The following COBLL1 variants were observed in gnomAD, a reference collection of about 807,000 sequenced individuals.
COBLL1 encodes the protein cordon-bleu protein-like 1.
COBLL1 carries 50 observed loss-of-function variants against 94.8 expected under a neutral mutation model. That is an observed-to-expected ratio of 0.53 (90% CI 0.42 to 0.67). The LOEUF is 0.67. Among genes scored for constraint, COBLL1 ranks in the 30% least tolerant of loss-of-function variants. COBLL1 has a pLI of 0.00. For missense variants in COBLL1, 1,362 were observed against 1,348.7 expected (o/e 1.01, Z -0.15); for synonymous variants, 448 against 473.8 (o/e 0.95, Z 0.71).
intron 2 of COBLL1, among the ~76,000 whole-genome samples, chr2:164,796,308 G>C (rs1047382351): frequency 6.6e-6 from 1 of 152,108 alleles, no homozygotes; most frequent in African/African-American, 2.4e-5. Flanking sequence ...TTGAGTCAAT[G>C]TAAGGAAGGA....
At position 164,695,373 on chromosome 2, in the gene COBLL1, T is replaced by C. The variant is rs746083849; in HGVS notation, c.2019A>G (p.Val673=). Reference sequence around the variant, plus strand: ...TACCATGTGCACAAATTGGATCTTTTACGGTAAGCGGATCTTCTGAATGTA... The same window carrying C: ...TACCATGTGCACAAATTGGATCTTTCACGGTAAGCGGATCTTCTGAATGTA... ...LIIHSEDPLT[V]KDPICAHGND... The change falls in exon 12 of 14, where the codon GTA becomes GTG. Residue 673 remains valine, a synonymous_variant. Coordinates refer to ENST00000652658, the MANE Select transcript of COBLL1 (RefSeq NM_001365672.2). The C allele has an allele frequency of 8.7e-6, 14 of 1,614,002 alleles. No individual in the cohort carries two copies. The highest frequency in any genetic ancestry group is 1.3e-5 in the African/African-American group (1 of 75,030).
chr2:164,662,454 A>G (rs1268346262), intron 2 of COBLL1, among the ~76,000 whole-genome samples: 1 of 152,190 alleles, frequency 6.6e-6, no homozygotes, highest in Non-Finnish European at 1.5e-5. Context: ...GAAAACCTAC[A>G]AGTACTCCCT....
intron 7 of COBLL1, among the ~76,000 whole-genome samples, chr2:164,715,302 C>A (rs544531607): frequency 2.0e-5 from 3 of 152,198 alleles, no homozygotes; most frequent in Admixed American, 2.0e-4. Context: ...CAGCTGTATT[C>A]TGTACAGCAA....
intron 2 of COBLL1, among the ~76,000 whole-genome samples, chr2:164,809,484 A>G (rs992072265): frequency 1.4e-4 from 21 of 152,000 alleles, no homozygotes; most frequent in African/African-American, 4.3e-4. Context: ...TGTATGATTC[A>G]TTGCCTAAGC....
At chr2:164,809,657 C>T (rs1419085410) in intron 2 of COBLL1, among the ~76,000 whole-genome samples, 2 of 151,872 alleles carry the variant, frequency 1.3e-5, no homozygotes, top group African/African-American at 2.4e-5. Flanking sequence ...AATAAGCTGT[C>T]GAATTAAAGT....
chr2:164,797,171 G>T (rs796306832), intron 2 of COBLL1, among the ~76,000 whole-genome samples: 10 of 152,250 alleles, frequency 6.6e-5, no homozygotes, highest in African/African-American at 2.2e-4. Context: ...GGTAGAATGC[G>T]AATGTAACTC....
chr2:164,713,839 T>C (rs1372798302), intron 7 of COBLL1, among the ~76,000 whole-genome samples: 2 of 152,146 alleles, frequency 1.3e-5, no homozygotes, highest in African/African-American at 4.8e-5. Context: ...ATGCCAGGAT[T>C]AGACACCGTC....
chr2:164,753,684 T>G (rs1687239725), intron 2 of COBLL1, among the ~76,000 whole-genome samples: 1 of 152,120 alleles, frequency 6.6e-6, no homozygotes, highest in African/African-American at 2.4e-5. Context: ...AAACTGATAC[T>G]TGATTCAGTT....
chr2:164,722,451 GA>G lies in COBLL1; in HGVS notation c.732del (p.Gln245AsnfsTer18), dbSNP rs1685499573. 4 of 1,522,176 alleles carry G rather than the reference GA, an allele frequency of 2.6e-6. No homozygotes were observed. Among genetic ancestry groups the G allele is most frequent in the South Asian group, 1.3e-5 (1 of 75,364 alleles). The allele number at this position is 1,522,176 out of a possible 1,614,324, so 94.3% of individuals were successfully genotyped here. ...TGGTCTCGCTTTTTCTTACTGCGTT[GA>G]AAAAAACTGAAAAACCCTTTATTTT... ...EKENKGFFSF[F>X]QRSKKKRDQT... On this transcript the variant is annotated frameshift_variant, in exon 6 of 14. Transcript: ENST00000652658. LOFTEE classifies it high-confidence loss of function.
downstream of COBLL1, among the ~76,000 whole-genome samples, chr2:164,678,234 A>G (rs1691370360): frequency 6.6e-6 from 1 of 152,200 alleles, no homozygotes; most frequent in African/African-American, 2.4e-5. Context: ...AGACAGTAAT[A>G]TTGGTGCAGT....
chr2:164,756,713 T>G (rs906404401), intron 2 of COBLL1, among the ~76,000 whole-genome samples: 1 of 152,204 alleles, frequency 6.6e-6, no homozygotes. Flanking sequence ...CAGTGTAATC[T>G]TCCAGTGACA....
intron 3 of COBLL1, among the ~76,000 whole-genome samples, chr2:164,741,233 G>A (rs987396574): frequency 3.9e-5 from 6 of 151,964 alleles, no homozygotes; most frequent in African/African-American, 1.2e-4. Flanking sequence ...CCAAGATCCC[G>A]CCAATGCACT....
At chr2:164,821,855 G>T (rs1685184672) in intron 2 of COBLL1, among the ~76,000 whole-genome samples, 1 of 152,158 alleles carries the variant, frequency 6.6e-6, no homozygotes, top group Non-Finnish European at 1.5e-5. Flanking sequence ...CAAAAACGAT[G>T]ATCCTAAACA....
intron 2 of COBLL1, chr2:164,761,485 G>C (rs1285335623): frequency 1.3e-5 from 2 of 150,356 alleles, no homozygotes; most frequent in Non-Finnish European, 3.0e-5. Context: ...AATGCTGTTA[G>C]TCATAACACA....
chr2:164,732,624 C>T (rs1319660261), intron 3 of COBLL1, among the ~76,000 whole-genome samples: 1 of 152,206 alleles, frequency 6.6e-6, no homozygotes, highest in Admixed American at 6.5e-5. Flanking sequence ...AATGATGATA[C>T]ATGCAGACTG....
chr2:164,819,638 C>T (rs1034719970), intron 2 of COBLL1, among the ~76,000 whole-genome samples: 1 of 151,968 alleles, frequency 6.6e-6, no homozygotes, highest in Non-Finnish European at 1.5e-5. Context: ...GGGAAAGAAA[C>T]AATTGTTCAG....
intron 2 of COBLL1, among the ~76,000 whole-genome samples, chr2:164,799,728 T>C (rs573023772): frequency 6.6e-6 from 1 of 152,292 alleles, no homozygotes; most frequent in Non-Finnish European, 1.5e-5. Context: ...ATCAAAACAA[T>C]GTGGTATTGA....
At chr2:164,812,703 C>G (rs917639300) in intron 2 of COBLL1, among the ~76,000 whole-genome samples, 29 of 152,036 alleles carry the variant, frequency 1.9e-4, no homozygotes, top group Admixed American at 1.1e-3. Flanking sequence ...ACATGCTAAG[C>G]CCTTGGTACA....
intron 3 of COBLL1, among the ~76,000 whole-genome samples, chr2:164,731,446 C>T (rs1034208303): frequency 1.3e-5 from 2 of 152,150 alleles, no homozygotes; most frequent in African/African-American, 2.4e-5. Context: ...TATTTTCATT[C>T]ATATCACTGA....
Sources: allele counts gnomAD v4.1 joint callset (sites outside exome capture counted in the v4.1 genomes callset), GRCh38; gene constraint gnomAD v4.1.1; transcripts MANE v1.5; gene names NCBI Gene and HGNC (gene_info 2026-07-23, HGNC 2026-07-21).